The following LINGO2 variants were observed in gnomAD, a reference collection of about 807,000 sequenced individuals.
The protein encoded by LINGO2 is leucine-rich repeat and immunoglobulin-like domain-containing nogo receptor-interacting protein 2.
LINGO2 carries 14 observed loss-of-function variants against 30.6 expected under a neutral mutation model. The ratio of observed to expected loss-of-function variants is 0.46; its 90% CI spans 0.30 to 0.72. The LOEUF (loss-of-function observed/expected upper bound fraction) is 0.72, where lower values mean the gene tolerates loss of function less well. LINGO2 is among the 30% of genes least tolerant of loss of function. LINGO2 has a pLI of 0.07. For synonymous variants in LINGO2, 317 were observed against 288.5 expected (o/e 1.10, Z -1.00); for missense variants, 729 against 751.7 (o/e 0.97, Z 0.35).
At chr9:28,748,348 G>C in the LINGO2 span, among the ~76,000 whole-genome samples, 20 of 151,180 alleles carry the variant, frequency 1.3e-4, no homozygotes, top group Middle Eastern at 3.4e-3. Flanking sequence ...ATGATAAAAA[G>C]AATAATCCCT....
At position 28,189,598 on chromosome 9, in the gene LINGO2, AG is replaced by A. The variant is rs1425559575; in HGVS notation, c.-87+105609del. ...AAGGAAGGGAGGGAGGAAGGAAGGA[AG>A]GGAGGAAGGAAGGGAGGGAGGGAGG... On this transcript the variant is annotated intron_variant, in intron 4 of 5. Coordinates refer to ENST00000379992, the Ensembl canonical transcript of LINGO2. Among the ~76,000 whole-genome samples the A allele has an allele frequency of 1.8e-3, 11 of 6,216 alleles. 1 individual carries two copies. The highest frequency in any genetic ancestry group is 7.1e-3 in the Non-Finnish European group (11 of 1,560). 4.1% of individuals were successfully genotyped at this position (6,216 alleles called of 152,430 possible).
At chr9:28,632,759 T>TAG (rs1827032777) in intron 1 of LINGO2, among the ~76,000 whole-genome samples, 1 of 138,730 alleles carries the variant, frequency 7.2e-6, no homozygotes, top group African/African-American at 2.7e-5. Flanking sequence ...GATCTATATA[T>TAG]ATAGATTTAT....
chr9:28,590,975 G>C (rs1373019412), intron 1 of LINGO2, among the ~76,000 whole-genome samples: 2 of 152,112 alleles, frequency 1.3e-5, no homozygotes, highest in East Asian at 3.9e-4. Context: ...ATACTATGCA[G>C]CCATAAAAAA....
At chr9:28,869,371 G>C in the LINGO2 span, among the ~76,000 whole-genome samples, 32,099 of 151,920 alleles carry the variant, frequency 0.21, 6,424 homozygotes, top group African/African-American at 0.53. Context: ...CTTTTCAAAA[G>C]AGACGAAGCC....
the LINGO2 span, among the ~76,000 whole-genome samples, chr9:28,692,553 A>G: frequency 1.3e-5 from 2 of 152,158 alleles, no homozygotes; most frequent in African/African-American, 4.8e-5. Context: ...CTCTTGAAAG[A>G]CCTTTCCTTT....
chr9:28,777,221 G>C, the LINGO2 span, among the ~76,000 whole-genome samples: 1 of 152,068 alleles, frequency 6.6e-6, no homozygotes, highest in African/African-American at 2.4e-5. Flanking sequence ...AATGTAAAAA[G>C]GGATTAATAC....
chr9:28,654,433 T>C (rs1230825811), intron 1 of LINGO2, among the ~76,000 whole-genome samples: 1 of 151,966 alleles, frequency 6.6e-6, no homozygotes, highest in Non-Finnish European at 1.5e-5. Flanking sequence ...AGGGTATTTA[T>C]TTTCATTTTA....
intron 1 of LINGO2, among the ~76,000 whole-genome samples, chr9:28,581,554 A>T (rs186037960): frequency 2.6e-5 from 4 of 151,720 alleles, no homozygotes; most frequent in South Asian, 2.1e-4. Flanking sequence ...CAACATACAG[A>T]TAAGTCTGAA....
the LINGO2 span, among the ~76,000 whole-genome samples, chr9:29,141,339 T>C: frequency 2.0e-3 from 311 of 151,974 alleles, no homozygotes; most frequent in African/African-American, 7.3e-3. Flanking sequence ...TAAATTGTTA[T>C]CAGCTTAAAA....
the LINGO2 span, among the ~76,000 whole-genome samples, chr9:28,842,320 T>C: frequency 6.6e-6 from 1 of 151,872 alleles, no homozygotes; most frequent in African/African-American, 2.4e-5. Context: ...ATGAGGAAAC[T>C]GAGGCTCAGA....
chr9:28,067,329 C>G (rs950299882), intron 4 of LINGO2, among the ~76,000 whole-genome samples: 2 of 151,980 alleles, frequency 1.3e-5, no homozygotes, highest in Non-Finnish European at 2.9e-5. Flanking sequence ...TTTACCAAAA[C>G]TTAGAGATAG....
At chr9:28,645,287 GT>G (rs1180915602) in intron 1 of LINGO2, among the ~76,000 whole-genome samples, 1 of 152,082 alleles carries the variant, frequency 6.6e-6, no homozygotes, top group Non-Finnish European at 1.5e-5. Context: ...GCCCACAGCT[GT>G]CAACCTTCAT....
At chr9:28,016,426 T>C (rs571137102) in intron 4 of LINGO2, among the ~76,000 whole-genome samples, 4 of 152,210 alleles carry the variant, frequency 2.6e-5, no homozygotes, top group African/African-American at 9.6e-5. Context: ...AATTTAATAT[T>C]ATCAAGAAAT....
intron 3 of LINGO2, among the ~76,000 whole-genome samples, chr9:28,364,533 T>G (rs1178382359): frequency 6.6e-6 from 1 of 152,180 alleles, no homozygotes. Context: ...TTTATATAGC[T>G]CTCTAATCTT....
At chr9:28,848,397 G>GTGTGTGTA in the LINGO2 span, among the ~76,000 whole-genome samples, 1 of 48,438 alleles carries the variant, frequency 2.1e-5, no homozygotes, top group African/African-American at 7.2e-5. Context: ...GTGTGTGTGT[G>GTGTGTGTA]TATATATATA....
At chr9:29,018,035 TAGAG>T in the LINGO2 span, among the ~76,000 whole-genome samples, 75,661 of 142,466 alleles carry the variant, frequency 0.53, 20,034 homozygotes, top group Admixed American at 0.6. Flanking sequence ...TATATATATA[TAGAG>T]AGAGAGAGAT....
chr9:29,018,212 A>G, the LINGO2 span, among the ~76,000 whole-genome samples: 3 of 151,304 alleles, frequency 2.0e-5, no homozygotes, highest in Non-Finnish European at 4.4e-5. Context: ...CGAATACTGC[A>G]TGTTTCTCAT....
the LINGO2 span, among the ~76,000 whole-genome samples, chr9:28,994,826 C>G: frequency 2.0e-5 from 3 of 152,142 alleles, no homozygotes; most frequent in African/African-American, 7.2e-5. Flanking sequence ...ATGTAGAAAG[C>G]TGAAACTGGA....
chr9:28,010,948 T>C (rs1286991164), intron 5 of LINGO2, among the ~76,000 whole-genome samples: 1 of 152,144 alleles, frequency 6.6e-6, no homozygotes, highest in Non-Finnish European at 1.5e-5. Context: ...ACAGACTCTG[T>C]CTCTAAAATA....
Sources: gnomAD v4.1 joint callset for allele counts (sites outside exome capture counted in the v4.1 genomes callset) on GRCh38, gnomAD v4.1.1 for gene constraint, MANE v1.5 for transcripts, NCBI Gene and HGNC (gene_info 2026-07-23, HGNC 2026-07-21) for gene names.